The following FGF13 variants were observed in gnomAD, a reference collection of about 807,000 sequenced individuals.
The protein encoded by FGF13 is fibroblast growth factor homologous factor 2.
Under a neutral mutation model 19.5 loss-of-function variants are expected in FGF13, and 2 were observed. The ratio of observed to expected loss-of-function variants is 0.10; its 90% CI spans 0.04 to 0.32. The LOEUF (loss-of-function observed/expected upper bound fraction) is 0.32. FGF13 is among the 10% of genes least tolerant of loss of function. The probability of loss-of-function intolerance (pLI) is 1.00; values close to 1 mark genes in which losing one functional copy is unlikely to be tolerated. For missense variants in FGF13, 113 were observed against 192.7 expected (o/e 0.59, Z 2.45); for synonymous variants, 72 against 76.9 (o/e 0.94, Z 0.33).
chrX:138,888,428 C>T (rs1399511134), intron 1 of FGF13, among the ~76,000 whole-genome samples: 1 of 110,875 alleles, frequency 9.0e-6, no homozygotes, highest in South Asian at 3.9e-4. Flanking sequence ...GAGCCCCCAG[C>T]CACCTATATC....
rs148575569 is a variant in FGF13 at position 139,009,444 on chromosome X, C to T, written c.-112-144794G>A. Reference sequence around the variant, plus strand: ...TATGAAGAAAAACTTATCAGATGAACGCAGATTTCTCAGCAGAAACCCTAC... The same window carrying T: ...TATGAAGAAAAACTTATCAGATGAATGCAGATTTCTCAGCAGAAACCCTAC... On this transcript the variant is annotated intron_variant, in intron 1 of 2. Coordinates refer to the FGF13 transcript ENST00000421460. 8.3e-3 allele frequency among the ~76,000 whole-genome samples: 923 copies of T among 111,791 alleles called. 11 individuals carry two copies. The highest frequency in any genetic ancestry group is 0.078 in the East Asian group (273 of 3,519).
intron 3 of FGF13, among the ~76,000 whole-genome samples, chrX:138,659,788 C>T (rs181886018): frequency 1.1e-3 from 128 of 111,557 alleles, no homozygotes; most frequent in African/African-American, 3.5e-3. Flanking sequence ...AACCATCATT[C>T]GCAGCAAACT....
chrX:138,676,477 G>T (rs977298565), intron 3 of FGF13, among the ~76,000 whole-genome samples: 3 of 111,674 alleles, frequency 2.7e-5, no homozygotes, highest in African/African-American at 9.8e-5. Flanking sequence ...TCACCACTAT[G>T]TCTCATTGAC....
chrX:139,104,507 G>A (rs12855565), intron 1 of FGF13, among the ~76,000 whole-genome samples: 15,085 of 110,948 alleles, frequency 0.14, 905 homozygotes, highest in East Asian at 0.28. Flanking sequence ...GCCATTTCCT[G>A]CCTGCCAGAT....
intron 1 of FGF13, among the ~76,000 whole-genome samples, chrX:138,990,776 A>G (rs776217677): frequency 1.8e-5 from 2 of 112,098 alleles, no homozygotes; most frequent in African/African-American, 6.5e-5. Context: ...GGAGACACAC[A>G]GCCAAACCAT....
chrX:138,638,312 T>C (rs2089206182), intron 3 of FGF13, among the ~76,000 whole-genome samples: 1 of 112,106 alleles, frequency 8.9e-6, no homozygotes, highest in South Asian at 3.7e-4. Context: ...CACAGAACCA[T>C]GTGTGCCTTT....
At chrX:139,007,160 C>T (rs2092105376) in intron 1 of FGF13, among the ~76,000 whole-genome samples, 1 of 111,218 alleles carries the variant, frequency 9.0e-6, no homozygotes, top group Non-Finnish European at 1.9e-5. Flanking sequence ...AAAAGATATT[C>T]CACGCCAATG....
chrX:139,043,570 G>A (rs982017519), intron 1 of FGF13, among the ~76,000 whole-genome samples: 1 of 110,924 alleles, frequency 9.0e-6, no homozygotes, highest in African/African-American at 3.3e-5. Context: ...TTCTCAACAA[G>A]TTAAACATAG....
chrX:139,128,227 G>A (rs1356500588), intron 1 of FGF13, among the ~76,000 whole-genome samples: 1 of 110,627 alleles, frequency 9.0e-6, no homozygotes, highest in Non-Finnish European at 1.9e-5. Flanking sequence ...TCCAAACCCA[G>A]TAACTTGTTT....
chrX:138,725,980 G>A (rs754356247), intron 1 of FGF13, among the ~76,000 whole-genome samples: 18 of 110,140 alleles, frequency 1.6e-4, no homozygotes, highest in Non-Finnish European at 3.4e-4. Context: ...GTGGAATGTC[G>A]GAAAAAAAAC....
intron 1 of FGF13, among the ~76,000 whole-genome samples, chrX:138,891,728 A>C (rs1199294775): frequency 1.8e-5 from 2 of 110,762 alleles, no homozygotes; most frequent in African/African-American, 6.6e-5. Flanking sequence ...TGGGGAAGGC[A>C]GTTCCACCCT....
At chrX:139,064,279 T>C (rs866366239) in intron 1 of FGF13, among the ~76,000 whole-genome samples, 3 of 64,633 alleles carry the variant, frequency 4.6e-5, no homozygotes, top group African/African-American at 7.7e-5. Context: ...TTCTTTTTTT[T>C]TCTTTTTTTT....
rs56821859 is a variant in FGF13 at position 139,100,041 on chromosome X, AACACACAC to A, written c.-113+103367_-113+103374del. 7.9e-3 allele frequency among the ~76,000 whole-genome samples: 606 copies of A among 76,403 alleles called. 10 individuals are homozygous for A. Among genetic ancestry groups the A allele is most frequent in the African/African-American group, 0.027 (539 of 19,703 alleles). 66.3% of individuals were successfully genotyped at this position (76,403 alleles called of 115,157 possible). A position where few individuals can be genotyped will look rare whatever the true frequency, so the allele number is the denominator to read the frequency against. Reference sequence around the variant, plus strand: ...ATCCTTCCCATTACTGGGGAAAGCAAACACACACACACACACACACACACACACACACA... The same window carrying A: ...ATCCTTCCCATTACTGGGGAAAGCAAACACACACACACACACACACACACA... On this transcript the variant is annotated intron_variant, in intron 1 of 2. Transcript: ENST00000421460.
chrX:138,921,971 CAAA>C (rs35464038), intron 1 of FGF13, among the ~76,000 whole-genome samples: 7 of 67,511 alleles, frequency 1.0e-4, no homozygotes, highest in African/African-American at 1.6e-4. Flanking sequence ...TTATGGAACT[CAAA>C]AAAAAAAAAA....
intron 3 of FGF13, among the ~76,000 whole-genome samples, chrX:138,834,110 C>CT (rs2091093875): frequency 9.0e-6 from 1 of 111,609 alleles, no homozygotes; most frequent in African/African-American, 3.3e-5. Flanking sequence ...CTGAAGTTTT[C>CT]TTTTTTGTTG....
At chrX:139,072,909 T>A (rs144543021) in intron 1 of FGF13, among the ~76,000 whole-genome samples, 1 of 112,068 alleles carries the variant, frequency 8.9e-6, no homozygotes, top group Non-Finnish European at 1.9e-5. Context: ...TGTATCTTTT[T>A]ATGTTTCTGT....
chrX:138,686,346 A>G (rs762485063), intron 3 of FGF13, among the ~76,000 whole-genome samples: 2 of 111,638 alleles, frequency 1.8e-5, no homozygotes, highest in South Asian at 7.5e-4. Flanking sequence ...GTGAAATGGG[A>G]ACATGACGAA....
intron 1 of FGF13, among the ~76,000 whole-genome samples, chrX:138,873,723 C>T (rs964857341): frequency 9.0e-6 from 1 of 110,808 alleles, no homozygotes; most frequent in Non-Finnish European, 1.9e-5. Context: ...TTGAAACATG[C>T]CAGTTTTCAC....
chrX:138,664,379 C>T (rs1050388747), intron 3 of FGF13, among the ~76,000 whole-genome samples: 1 of 111,199 alleles, frequency 9.0e-6, no homozygotes, highest in African/African-American at 3.3e-5. Flanking sequence ...TTAGTCAGGT[C>T]GGAAATGTTA....
Sources: allele counts gnomAD v4.1 joint callset (sites outside exome capture counted in the v4.1 genomes callset), GRCh38; gene constraint gnomAD v4.1.1; transcripts MANE v1.5; gene names NCBI Gene and HGNC (gene_info 2026-07-23, HGNC 2026-07-21).